GPC5: variants seen among roughly 807,000 people sequenced by gnomAD.
GPC5 encodes the protein glypican-5.
GPC5 carries 47 observed loss-of-function variants against 53.9 expected under a neutral mutation model. The observed-to-expected ratio is 0.87, with a 90% CI of 0.69 to 1.11. The LOEUF (loss-of-function observed/expected upper bound fraction) is 1.11. Ranked by LOEUF, GPC5 falls within the 50% of genes most tolerant of loss-of-function variation. The pLI, the probability that GPC5 is intolerant of heterozygous loss-of-function variation, is 0.00. For missense variants in GPC5, 748 were observed against 713.1 expected, an observed-to-expected ratio of 1.05 and a Z score of -0.56; for synonymous variants, 286 against 263.3, an observed-to-expected ratio of 1.09 and a Z score of -0.84.
At chr13:92,059,708 T>G (rs1196856063) in intron 6 of GPC5, 2 of 152,042 alleles carry the variant, frequency 1.3e-5, no homozygotes, top group African/African-American at 4.8e-5. Flanking sequence ...ATAAATAGTA[T>G]TTAGAAAACT....
chr13:92,527,245 GAAAGAGAAAGAA>G (rs1476805974), intron 7 of GPC5, among the ~76,000 whole-genome samples: 1,801 of 35,174 alleles, frequency 0.051, 39 homozygotes, highest in Middle Eastern at 0.095. Context: ...AAGAAAGAAA[GAAAGAGAAAGAA>G]AGAAAGAAAG....
At chr13:92,221,563 A>G (rs2042448695) in intron 7 of GPC5, among the ~76,000 whole-genome samples, 3 of 152,116 alleles carry the variant, frequency 2.0e-5, no homozygotes, top group South Asian at 2.1e-4. Context: ...CTAAGCTCCC[A>G]TGACTTCAAT....
chr13:91,899,437 A>G (rs756333971), intron 5 of GPC5, among the ~76,000 whole-genome samples: 14 of 152,294 alleles, frequency 9.2e-5, no homozygotes, highest in Non-Finnish European at 1.3e-4. Flanking sequence ...CAGTAATAAA[A>G]TGTTTCTCAT....
chr13:92,445,239 C>T (rs12866641), intron 7 of GPC5, among the ~76,000 whole-genome samples: 10,285 of 143,976 alleles, frequency 0.071, 403 homozygotes, highest in Admixed American at 0.1. Context: ...TGTATAGGTT[C>T]CTTTCCTTTC....
At chr13:92,268,687 G>A (rs140160284) in intron 7 of GPC5, among the ~76,000 whole-genome samples, 50 of 150,982 alleles carry the variant, frequency 3.3e-4, no homozygotes, top group African/African-American at 1.2e-3. Context: ...AAATTATTCT[G>A]TAAGAATTTT....
intron 7 of GPC5, among the ~76,000 whole-genome samples, chr13:92,386,684 A>G (rs1206749136): frequency 6.6e-6 from 1 of 152,082 alleles, no homozygotes; most frequent in East Asian, 1.9e-4. Context: ...GGTAACAAGC[A>G]GTCATTCCCA....
chr13:92,303,851 G>A (rs151214225), intron 7 of GPC5, among the ~76,000 whole-genome samples: 1 of 152,328 alleles, frequency 6.6e-6, no homozygotes, highest in Admixed American at 6.5e-5. Context: ...CCTGGGACCA[G>A]AACAGTTAGC....
At chr13:92,020,018 A>G (rs927088691) in intron 6 of GPC5, among the ~76,000 whole-genome samples, 2 of 152,090 alleles carry the variant, frequency 1.3e-5, no homozygotes, top group Non-Finnish European at 2.9e-5. Context: ...CAGAGGCTCT[A>G]GAGAAGAATT....
At chr13:92,805,400 T>C (rs1257969423) in intron 7 of GPC5, among the ~76,000 whole-genome samples, 1 of 152,034 alleles carries the variant, frequency 6.6e-6, no homozygotes. Context: ...CTTTGGTGAC[T>C]AGGTCAATGG....
intron 7 of GPC5, among the ~76,000 whole-genome samples, chr13:92,855,920 T>C (rs185043295): frequency 5.9e-5 from 9 of 152,098 alleles, no homozygotes; most frequent in African/African-American, 2.2e-4. Context: ...AGCTGAATTC[T>C]ACCAGATGTA....
chr13:92,316,079 C>A (rs577197567), intron 7 of GPC5, among the ~76,000 whole-genome samples: 2 of 152,204 alleles, frequency 1.3e-5, no homozygotes, highest in South Asian at 4.2e-4. Context: ...TAATTAAAAT[C>A]TTTCTGCTCA....
intron 2 of GPC5, among the ~76,000 whole-genome samples, chr13:91,525,947 A>G (rs924446497): frequency 6.6e-6 from 1 of 152,186 alleles, no homozygotes; most frequent in African/African-American, 2.4e-5. Context: ...CTACCACTAC[A>G]GGTGTCAAAA....
At chr13:92,502,034 A>G (rs548481482) in intron 7 of GPC5, among the ~76,000 whole-genome samples, 10 of 152,216 alleles carry the variant, frequency 6.6e-5, no homozygotes, top group African/African-American at 2.4e-4. Flanking sequence ...AATGGCAACT[A>G]TTGGGGTAAA....
intron 7 of GPC5, among the ~76,000 whole-genome samples, chr13:92,422,486 TCTCACACACACACACA>T (rs1299499849): frequency 7.3e-5 from 6 of 82,222 alleles, no homozygotes. Flanking sequence ...CCCATCACCA[TCTCACACACACACACA>T]CACACACACA....
chr13:92,360,728 C>T (rs1007888491), intron 7 of GPC5, among the ~76,000 whole-genome samples: 6 of 151,602 alleles, frequency 4.0e-5, no homozygotes, highest in African/African-American at 1.5e-4. Flanking sequence ...TCTAGAAAAC[C>T]CCATAGTCTT....
chr13:92,627,356 C>T (rs77635083), intron 7 of GPC5, among the ~76,000 whole-genome samples: 5,548 of 152,268 alleles, frequency 0.036, 142 homozygotes, highest in Middle Eastern at 0.12. Flanking sequence ...TTTATAGAAC[C>T]ATACTACAGC....
intron 3 of GPC5, among the ~76,000 whole-genome samples, chr13:91,715,800 C>CTCTCTCTCTCTCTCTCTG (rs997034217): frequency 1.4e-5 from 2 of 145,856 alleles, no homozygotes; most frequent in African/African-American, 5.1e-5. Flanking sequence ...CTCTCTCTCT[C>CTCTCTCTCTCTCTCTCTG]TGTGTGTGTG....
At chr13:92,654,876 C>T (rs1302919816) in intron 7 of GPC5, among the ~76,000 whole-genome samples, 53 of 152,126 alleles carry the variant, frequency 3.5e-4, no homozygotes, top group South Asian at 1.2e-3. Flanking sequence ...CGAATTTACA[C>T]TGGATTGCTA....
intron 6 of GPC5, among the ~76,000 whole-genome samples, chr13:92,117,590 A>G (rs1012906602): frequency 6.6e-6 from 1 of 152,220 alleles, no homozygotes; most frequent in African/African-American, 2.4e-5. Flanking sequence ...CGACATCTCA[A>G]GAATATTGAG....
Sources: gnomAD v4.1 joint callset for allele counts (sites outside exome capture counted in the v4.1 genomes callset) on GRCh38, gnomAD v4.1.1 for gene constraint, MANE v1.5 for transcripts, NCBI Gene and HGNC (gene_info 2026-07-23, HGNC 2026-07-21) for gene names.